MDGA2: variants seen among roughly 807,000 people sequenced by gnomAD.
MDGA2 encodes MAM domain-containing glycosylphosphatidylinositol anchor protein 2.
A neutral mutation model predicts 117.8 loss-of-function variants in MDGA2; 40 were observed. That is an observed-to-expected ratio of 0.34 (90% CI 0.26 to 0.44). MDGA2 has a LOEUF of 0.44. Ranked by LOEUF, MDGA2 falls within the 20% of genes least tolerant of loss-of-function variation. The pLI, the probability that MDGA2 is intolerant of heterozygous loss-of-function variation, is 1.00. For synonymous variants in MDGA2, 452 were observed against 439.0 expected, an observed-to-expected ratio of 1.03 and a Z score of -0.37; for missense variants, 1,123 against 1,250.6, an observed-to-expected ratio of 0.90 and a Z score of 1.54.
At chr14:47,453,329 G>T (rs1221427852) in intron 1 of MDGA2, among the ~76,000 whole-genome samples, 1 of 151,994 alleles carries the variant, frequency 6.6e-6, no homozygotes, top group Non-Finnish European at 1.5e-5. Flanking sequence ...TTACAAAGGG[G>T]TGCTGTAGAG....
intron 1 of MDGA2, among the ~76,000 whole-genome samples, chr14:47,414,686 C>T (rs1484701007): frequency 6.6e-6 from 1 of 152,068 alleles, no homozygotes. Flanking sequence ...TTTGAAGTTA[C>T]TTTCCTTGAT....
chr14:47,350,320 T>C (rs1246938047), intron 1 of MDGA2, among the ~76,000 whole-genome samples: 1 of 152,124 alleles, frequency 6.6e-6, no homozygotes, highest in African/African-American at 2.4e-5. Flanking sequence ...TGGAGTAATA[T>C]TAAAGTAAAA....
At chr14:47,177,926 C>T (rs113812619) in intron 3 of MDGA2, among the ~76,000 whole-genome samples, 1 of 151,834 alleles carries the variant, frequency 6.6e-6, no homozygotes, top group Non-Finnish European at 1.5e-5. Context: ...TGTTGAGGAA[C>T]AAAGGTTAAT....
chr14:47,215,654 T>A (rs1248912333), intron 3 of MDGA2, among the ~76,000 whole-genome samples: 8 of 152,146 alleles, frequency 5.3e-5, no homozygotes, highest in Admixed American at 2.6e-4. Context: ...TATGTTTACA[T>A]CCGCATAGTA....
chr14:47,453,150 A>G (rs930670412), intron 1 of MDGA2, among the ~76,000 whole-genome samples: 15 of 152,060 alleles, frequency 9.9e-5, no homozygotes, highest in African/African-American at 3.6e-4. Flanking sequence ...CTATTAATAT[A>G]TACATTTATA....
chr14:47,215,912 G>T (rs903719383), intron 3 of MDGA2, among the ~76,000 whole-genome samples: 3 of 152,096 alleles, frequency 2.0e-5, no homozygotes, highest in Non-Finnish European at 2.9e-5. Flanking sequence ...GAGGTTGCAT[G>T]AGAAAACCCC....
Position 47,463,137 on chromosome 14 carries a change from G to A in MDGA2, c.281-161587C>T, listed in dbSNP as rs111958231. On this transcript the variant is annotated intron_variant, in intron 1 of 16. Transcript: ENST00000399232. ...TAAAAACCCAGCTATATAACTGAGG[G>A]CAACAAACATTTTGTCATAGAAAAT... is the stretch of plus-strand genomic sequence containing the variant. Among the ~76,000 whole-genome samples the A allele has an allele frequency of 9.9e-5, 15 of 152,208 alleles. 1 individual carries two copies. Among genetic ancestry groups the A allele is most frequent in the African/African-American group, 3.4e-4 (14 of 41,544 alleles).
chr14:46,951,849 G>A (rs771451375), intron 9 of MDGA2, among the ~76,000 whole-genome samples: 6 of 151,902 alleles, frequency 3.9e-5, no homozygotes, highest in Non-Finnish European at 7.4e-5. Context: ...CAATAAATAT[G>A]TTATTTAAAG....
At chr14:47,040,390 A>G (rs538818550) in intron 7 of MDGA2, among the ~76,000 whole-genome samples, 1 of 152,284 alleles carries the variant, frequency 6.6e-6, no homozygotes, top group African/African-American at 2.4e-5. Context: ...GTGCATAATA[A>G]CATATTACAG....
intron 8 of MDGA2, among the ~76,000 whole-genome samples, chr14:47,016,541 A>C (rs183027780): frequency 1.8e-4 from 28 of 152,168 alleles, no homozygotes; most frequent in Non-Finnish European, 3.8e-4. Context: ...AAATGCACTG[A>C]AAAAGCTATG....
chr14:47,530,155 C>T (rs1466818370), intron 1 of MDGA2, among the ~76,000 whole-genome samples: 2 of 152,158 alleles, frequency 1.3e-5, no homozygotes, highest in Non-Finnish European at 2.9e-5. Context: ...GAATGGAATG[C>T]AACCCTTGTG....
intron 1 of MDGA2, among the ~76,000 whole-genome samples, chr14:47,360,353 A>ATATACAGTCTC (rs1891090722): frequency 8.6e-6 from 1 of 115,904 alleles, no homozygotes; most frequent in African/African-American, 3.0e-5. Flanking sequence ...GTCCATCTCA[A>ATATACAGTCTC]AAAATAAATA....
chr14:47,135,714 G>A (rs1474184715), intron 4 of MDGA2, among the ~76,000 whole-genome samples: 2 of 152,114 alleles, frequency 1.3e-5, no homozygotes, highest in East Asian at 1.9e-4. Flanking sequence ...TGTCATTTGA[G>A]ACTCTATGCA....
intron 1 of MDGA2, among the ~76,000 whole-genome samples, chr14:47,485,525 T>G (rs545169039): frequency 6.6e-6 from 1 of 152,146 alleles, no homozygotes; most frequent in African/African-American, 2.4e-5. Flanking sequence ...GCTGCAGAAA[T>G]TTGCATAAGT....
intron 1 of MDGA2, among the ~76,000 whole-genome samples, chr14:47,441,499 T>C (rs1000323300): frequency 1.4e-4 from 22 of 152,166 alleles, no homozygotes; most frequent in African/African-American, 3.1e-4. Flanking sequence ...CTGAAGGACA[T>C]AGTAGGAAAA....
Position 47,549,171 on chromosome 14 carries a change from G to T in MDGA2, c.280+125346C>A, listed in dbSNP as rs182203744. The stretch of plus-strand genomic sequence containing the variant: ...AGCTACTGCTTTCAGGAAGCTGCTG[G>T]TTGGTAAGGGAGAGTGGGATGAACA... On this transcript the variant is annotated intron_variant, in intron 1 of 16. Coordinates refer to ENST00000399232, the MANE Select transcript of MDGA2 (RefSeq NM_001113498.3). 2.4e-3 allele frequency among the ~76,000 whole-genome samples: 366 copies of T among 152,240 alleles called. 1 individual carries two copies. Among genetic ancestry groups the T allele is most frequent in the African/African-American group, 8.3e-3 (345 of 41,550 alleles).
At chr14:47,618,215 A>G (rs182934563) in intron 1 of MDGA2, among the ~76,000 whole-genome samples, 1 of 152,364 alleles carries the variant, frequency 6.6e-6, no homozygotes, top group East Asian at 1.9e-4. Flanking sequence ...CATAAATTGT[A>G]TCACAGTCAG....
chr14:47,136,624 G>T (rs575895515), intron 4 of MDGA2, among the ~76,000 whole-genome samples: 1 of 152,078 alleles, frequency 6.6e-6, no homozygotes, highest in African/African-American at 2.4e-5. Flanking sequence ...AGTCACATTT[G>T]TGTATATATT....
At chr14:47,229,869 G>C (rs1433208628) in intron 2 of MDGA2, among the ~76,000 whole-genome samples, 1 of 151,968 alleles carries the variant, frequency 6.6e-6, no homozygotes, top group East Asian at 1.9e-4. Flanking sequence ...GGATATTCCA[G>C]TTGGCTGTAA....
Sources: allele counts gnomAD v4.1 joint callset (sites outside exome capture counted in the v4.1 genomes callset), GRCh38; gene constraint gnomAD v4.1.1; transcripts MANE v1.5; gene names NCBI Gene and HGNC (gene_info 2026-07-23, HGNC 2026-07-21).